The following WDR27 variants were observed in gnomAD, a reference collection of about 807,000 sequenced individuals.
WDR27 encodes WD repeat-containing protein 27.
Under a neutral mutation model 114.4 loss-of-function variants are expected in WDR27, and 100 were observed. The observed-to-expected ratio is 0.87, with a 90% CI of 0.74 to 1.03. WDR27 has a LOEUF of 1.03. WDR27 is among the 50% of genes least tolerant of loss of function. WDR27 has a pLI of 0.00. For synonymous variants in WDR27, 449 were observed against 423.1 expected (o/e 1.06, Z -0.75); for missense variants, 1,129 against 1,092.9 (o/e 1.03, Z -0.47).
intron 21 of WDR27, among the ~76,000 whole-genome samples, chr6:169,617,383 T>C (rs923421103): frequency 3.9e-5 from 6 of 152,124 alleles, no homozygotes; most frequent in African/African-American, 1.2e-4. Flanking sequence ...CCCACCCTAA[T>C]CTTTTTTTTG....
rs1308450142 is a variant in WDR27, at chr6:169,583,488, CATATATATATATATATGTAT to C, written c.2425-574_2425-555del. ...TTGTGTGTGTGTGTGTGTATATATACATATATATATATATATGTATATATACACACACACACACACACACA... is the reference window on the plus strand; with the variant it reads ...TTGTGTGTGTGTGTGTGTATATATACATATACACACACACACACACACACA... On this transcript the variant is annotated intron_variant, in intron 23 of 25. Transcript: ENST00000448612. Among the ~76,000 whole-genome samples the C allele has an allele frequency of 0.011, 157 of 13,980 alleles. 2 individuals are homozygous for C. The East Asian group carries it at 0.38, about 34-fold the overall frequency. 9.2% of individuals were successfully genotyped at this position (13,980 alleles called of 152,430 possible).
At chr6:169,581,566 A>G (rs1283728046) in intron 24 of WDR27, among the ~76,000 whole-genome samples, 2 of 152,188 alleles carry the variant, frequency 1.3e-5, no homozygotes, top group African/African-American at 2.4e-5. Context: ...CGTATGTCGC[A>G]GTATTATTTA....
Position 169,642,306 on chromosome 6 carries a change from C to CCT in WDR27, c.1747+1390_1747+1391insAG, listed in dbSNP as rs1223255275. Reference sequence around the variant, plus strand: ...GAGATGGTTAAATGTGGCCCTTCCCCCCCGCCCACAGAAACAGAGCAAGTT... The same window carrying CCT: ...GAGATGGTTAAATGTGGCCCTTCCCCCTCCCGCCCACAGAAACAGAGCAAGTT... On this transcript the variant is annotated intron_variant, in intron 17 of 25. Coordinates refer to ENST00000448612, the MANE Select transcript of WDR27 (RefSeq NM_182552.5). Among the ~76,000 whole-genome samples, 6 of 151,906 alleles carry CCT rather than the reference C, an allele frequency of 3.9e-5. No individual in the cohort carries two copies. The East Asian group carries it at 1.2e-3, about 30-fold the overall frequency.
the WDR27 span, among the ~76,000 whole-genome samples, chr6:169,431,931 C>A: frequency 2.0e-5 from 3 of 152,214 alleles, no homozygotes; most frequent in East Asian, 1.9e-4. Flanking sequence ...AAGATTGCCT[C>A]ACTGCAAACT....
At chr6:169,564,148 T>C (rs1276694116) in intron 25 of WDR27, among the ~76,000 whole-genome samples, 1 of 152,166 alleles carries the variant, frequency 6.6e-6, no homozygotes, top group Non-Finnish European at 1.5e-5. Flanking sequence ...ACCACTAGTG[T>C]AAGTCCAAGG....
At chr6:169,440,028 C>G in the WDR27 span, among the ~76,000 whole-genome samples, 2 of 151,090 alleles carry the variant, frequency 1.3e-5, no homozygotes, top group African/African-American at 4.9e-5. Context: ...CTGAAGCCTG[C>G]CTTGATTTGG....
At chr6:169,469,528 A>T (rs1786057747) in intron 25 of WDR27, among the ~76,000 whole-genome samples, 1 of 152,236 alleles carries the variant, frequency 6.6e-6, no homozygotes, top group South Asian at 2.1e-4. Context: ...GGCACTGAGC[A>T]GGGACATTCC....
chr6:169,444,410 C>T, the WDR27 span, among the ~76,000 whole-genome samples: 24 of 152,308 alleles, frequency 1.6e-4, no homozygotes, highest in African/African-American at 5.1e-4. Flanking sequence ...AGCCCCGTGT[C>T]GGATGATTTC....
chr6:169,567,038 G>A (rs1230523536), intron 25 of WDR27, among the ~76,000 whole-genome samples: 1 of 152,244 alleles, frequency 6.6e-6, no homozygotes, highest in Non-Finnish European at 1.5e-5. Context: ...GCACCAAGCA[G>A]GCCAACAACG....
chr6:169,662,996 A>C (rs931529104), intron 8 of WDR27, among the ~76,000 whole-genome samples: 6 of 150,726 alleles, frequency 4.0e-5, no homozygotes, highest in African/African-American at 1.5e-4. Context: ...TGCACCACGG[A>C]GTCACTCGGA....
rs1200792162 is a variant in WDR27, at chr6:169,659,318, C to T, written c.1198-111G>A. 6 of 1,555,234 alleles carry T rather than the reference C, an allele frequency of 3.9e-6. No individual in the cohort carries two copies. The highest frequency in any genetic ancestry group is 3.6e-5 in the Admixed American group (2 of 56,294). ...TGCTTCATTCTCATAGCAGCGACAT[C>T]GCCCTGTCACTCCTAAAACGTTTTT... On this transcript the variant is annotated intron_variant, in intron 11 of 25. Transcript: ENST00000448612. The surrounding 1 kb of genome is among the most constrained non-coding windows in gnomAD (Gnocchi z 4.3).
chr6:169,641,310 C>A (rs1446172215), intron 17 of WDR27, among the ~76,000 whole-genome samples: 1 of 151,202 alleles, frequency 6.6e-6, no homozygotes, highest in Non-Finnish European at 1.5e-5. Flanking sequence ...TCACCGCAGG[C>A]AAGGCCGGGC....
At chr6:169,701,242 AAG>A (rs1787925098) in intron 1 of WDR27, among the ~76,000 whole-genome samples, 1 of 152,226 alleles carries the variant, frequency 6.6e-6, no homozygotes, top group African/African-American at 2.4e-5. Flanking sequence ...TATTTTTAAA[AAG>A]AGAAAATTAC....
In WDR27 at chr6:169,580,952, T is replaced by C. The variant is rs1038184593; in HGVS notation, c.2523+1884A>G. On this transcript the variant is annotated intron_variant, in intron 24 of 25. Coordinates refer to ENST00000448612, the MANE Select transcript of WDR27 (RefSeq NM_182552.5). ...TGAATTTTATATATATATATATATA[T>C]ACATATATATATATATAAATTCGGT... Among the ~76,000 whole-genome samples the C allele has an allele frequency of 3.9e-3, 560 of 143,572 alleles. 7 individuals carry two copies. Among genetic ancestry groups the C allele is most frequent in the Middle Eastern group, 0.022 (6 of 274 alleles). 94.2% of individuals were successfully genotyped at this position (143,572 alleles called of 152,430 possible).
At chr6:169,483,481 G>A (rs1349597855) in intron 25 of WDR27, among the ~76,000 whole-genome samples, 4 of 152,050 alleles carry the variant, frequency 2.6e-5, no homozygotes, top group South Asian at 2.1e-4. Flanking sequence ...GAAAGAATCT[G>A]AACCAATAAC....
intron 8 of WDR27, among the ~76,000 whole-genome samples, 186 bp downstream of exon 8, chr6:169,663,980 T>TC (rs977585713): frequency 7.2e-5 from 11 of 152,160 alleles, no homozygotes; most frequent in African/African-American, 2.7e-4. Context: ...ACCAGGTGCC[T>TC]CCATCTGCTG....
At chr6:169,436,772 A>G in the WDR27 span, among the ~76,000 whole-genome samples, 1 of 152,142 alleles carries the variant, frequency 6.6e-6, no homozygotes, top group South Asian at 2.1e-4. Context: ...AATATAAATT[A>G]ATGTTTCTTT....
In WDR27 at chr6:169,529,671, G is replaced by C. The variant is rs180967248; in HGVS notation, c.2645+42748C>G. 8.5e-5 allele frequency among the ~76,000 whole-genome samples: 13 copies of C among 152,174 alleles called. No individual in the cohort carries two copies. In the East Asian group the frequency reaches 2.5e-3, roughly 29 times the overall value. On this transcript the variant is annotated intron_variant, in intron 25 of 25. Coordinates refer to ENST00000448612, the MANE Select transcript of WDR27 (RefSeq NM_182552.5). ...ACTGAAATAAACATATTTTGGACAGGCTCATTCAAATGGACCACCATTTAA... is the reference window on the plus strand; with the variant it reads ...ACTGAAATAAACATATTTTGGACAGCCTCATTCAAATGGACCACCATTTAA...
At chr6:169,570,780 G>T (rs552070547) in intron 25 of WDR27, among the ~76,000 whole-genome samples, 7 of 152,272 alleles carry the variant, frequency 4.6e-5, no homozygotes, top group African/African-American at 1.7e-4. Context: ...AGTGAGCTGC[G>T]ATTGTGCCAT....
Sources: allele counts gnomAD v4.1 joint callset (sites outside exome capture counted in the v4.1 genomes callset), GRCh38; gene constraint gnomAD v4.1.1; non-coding constraint Gnocchi (gnomAD v3.1); transcripts MANE v1.5; gene names NCBI Gene and HGNC (gene_info 2026-07-23, HGNC 2026-07-21).